The following LAMC2 variants were observed in gnomAD, a reference collection of about 807,000 sequenced individuals.
LAMC2 encodes laminin subunit gamma 2, also known as laminin subunit gamma-2.
A neutral mutation model predicts 140.2 loss-of-function variants in LAMC2; 97 were observed. That is an observed-to-expected ratio of 0.69 (90% confidence interval 0.59 to 0.82). The LOEUF (loss-of-function observed/expected upper bound fraction) is 0.82, where lower values mean the gene tolerates loss of function less well. LAMC2 is among the 40% of genes least tolerant of loss of function. The pLI, the probability that LAMC2 is intolerant of heterozygous loss-of-function variation, is 0.00. For synonymous variants in LAMC2, 513 were observed against 540.2 expected (o/e 0.95, Z 0.70); for missense variants, 1,402 against 1,476.1 (o/e 0.95, Z 0.82).
Position 183,226,929 on chromosome 1 carries a change from A to G in LAMC2, c.1285+13A>G. 1 of 1,602,356 alleles carries G rather than the reference A, an allele frequency of 6.2e-7. No individual in the cohort carries two copies. The highest frequency in any genetic ancestry group is 2.2e-5 in the East Asian group (1 of 44,820). ...GATCCAGACACAGGTGAGTGAAATG[A>G]CACCTGGACCAGGTGGCTGGGGTGT... is the stretch of plus-strand genomic sequence containing the variant. On this transcript the variant is annotated intron_variant, in intron 9 of 22. Transcript: ENST00000264144.
rs1256026081 is a variant in LAMC2 at position 183,232,193 on chromosome 1, C to T, written c.1864C>T (p.Gln622Ter). Reference sequence around the variant, plus strand: ...CTTTCCTGTGTGGTTTCAGATGGATCAGTTTATGCAGCAGCTTCAGAGAAT... The same window carrying T: ...CTTTCCTGTGTGGTTTCAGATGGATTAGTTTATGCAGCAGCTTCAGAGAAT... ...CYNQVKIQMD[Q>*]FMQQLQRMEA... Residue 622 changes from glutamine (Q) to a stop codon, truncating the protein, a stop_gained, in exon 13 of 23, where the codon CAG (glutamine) becomes TAG (stop). Coordinates refer to ENST00000264144, the MANE Select transcript of LAMC2 (RefSeq NM_005562.3). LOFTEE classifies it high-confidence loss of function. The T allele has an allele frequency of 6.2e-7, 1 of 1,613,630 alleles. No homozygotes were observed. Among genetic ancestry groups the T allele is most frequent in the East Asian group, 2.2e-5 (1 of 44,882 alleles).
At chr1:183,220,333 C>T (rs1207460127) in intron 4 of LAMC2, among the ~76,000 whole-genome samples, 2 of 152,100 alleles carry the variant, frequency 1.3e-5, no homozygotes, top group Non-Finnish European at 2.9e-5. Flanking sequence ...AGCCCAGGTA[C>T]AAGAGTCAGA....
intron 20 of LAMC2, 51 bp downstream of exon 20, chr1:183,239,614 G>C: frequency 6.7e-7 from 1 of 1,486,520 alleles, no homozygotes; most frequent in East Asian, 2.3e-5. Context: ...AAACACAAGG[G>C]TGGTGTGGAG....
rs780621237 is a variant in LAMC2, at chr1:183,236,572, C to G, written c.2569C>G (p.Arg857Gly). The change falls in exon 17 of 23, where the codon CGG (arginine) becomes GGG (glycine). Residue 857 changes from arginine (R) to glycine (G), a missense_variant. Around this residue, in one of 3 missense-constraint regions of LAMC2, gnomAD observed 670 missense variants for 667.2 expected, o/e 1.00. Transcript: ENST00000264144. ...HSLRLLDSVSRLQGVSDQSFQ... is the reference protein window; with the variant it reads ...HSLRLLDSVSGLQGVSDQSFQ... The stretch of plus-strand genomic sequence containing the variant: ...TCTCCGCCTCCTGGATTCAGTGTCT[C>G]GGCTTCAGGGAGTCAGTGATCAGTC... The G allele has an allele frequency of 1.2e-6, 2 of 1,614,092 alleles. No individual in the cohort carries two copies. The highest frequency in any genetic ancestry group is 8.5e-7 in the Non-Finnish European group (1 of 1,180,014).
At position 183,228,585 on chromosome 1, in the gene LAMC2, C is replaced by A; in HGVS notation, c.1680C>A (p.Asp560Glu). The stretch of plus-strand genomic sequence containing the variant: ...AGTGCAAAGCAGGCTACTTCGGGGA[C>A]CCATTGGCTCCCAACCCAGCAGACA... Reference protein sequence around the residue: ...CDQCKAGYFGDPLAPNPADKC... With the variant: ...CDQCKAGYFGEPLAPNPADKC... Residue 560 changes from aspartate (D) to glutamate (E), a missense_variant, in exon 11 of 23, where the codon GAC becomes GAA. By Grantham distance (45) the Asp-to-Glu change is conservative (BLOSUM62 2). Transcript: ENST00000264144. The surrounding 1 kb of genome is among the most constrained non-coding windows in gnomAD (Gnocchi z 4.3). The A allele has an allele frequency of 6.2e-7, 1 of 1,614,090 alleles. No homozygotes were observed. Among genetic ancestry groups the A allele is most frequent in the Middle Eastern group, 1.7e-4 (1 of 6,058 alleles).
intron 22 of LAMC2, among the ~76,000 whole-genome samples, chr1:183,242,839 CTT>C (rs10712142): frequency 0.052 from 7,450 of 144,486 alleles, 210 homozygotes; most frequent in South Asian, 0.11. Context: ...CTTCAGTCCT[CTT>C]TTTTTTTTTT....
intron 2 of LAMC2, among the ~76,000 whole-genome samples, chr1:183,208,356 CAA>C (rs1459253411): frequency 3.9e-5 from 6 of 152,280 alleles, no homozygotes; most frequent in South Asian, 4.1e-4. Flanking sequence ...AATTCTAATA[CAA>C]AGAGTCACAT....
At chr1:183,234,073 G>A (rs1317622852) in intron 14 of LAMC2, among the ~76,000 whole-genome samples, 1 of 151,948 alleles carries the variant, frequency 6.6e-6, no homozygotes, top group East Asian at 1.9e-4. Flanking sequence ...TTTTAGAAGG[G>A]ACGGGGTTTC....
intron 13 of LAMC2, 30 bp downstream of exon 13, chr1:183,232,373 A>G: frequency 6.2e-7 from 1 of 1,612,614 alleles, no homozygotes; most frequent in East Asian, 2.2e-5. Flanking sequence ...CTTCAGACAG[A>G]AGAGAATTCA....
chr1:183,245,832 A>G (rs1660229753), downstream of LAMC2, among the ~76,000 whole-genome samples: 1 of 152,218 alleles, frequency 6.6e-6, no homozygotes, highest in Non-Finnish European at 1.5e-5. Flanking sequence ...TAACCACGGT[A>G]TGTGTAATCA....
At chr1:183,255,916 C>T in the LAMC2 span, among the ~76,000 whole-genome samples, 62 of 151,836 alleles carry the variant, frequency 4.1e-4, no homozygotes, top group African/African-American at 6.5e-4. Context: ...CACCTGCCTC[C>T]GCCTCCCAAA....
At chr1:183,220,646 G>A (rs746662302) in intron 4 of LAMC2, among the ~76,000 whole-genome samples, 179 bp from the exon 5 acceptor site, 2 of 151,972 alleles carry the variant, frequency 1.3e-5, no homozygotes, top group Middle Eastern at 3.2e-3. Context: ...TAGGGGGGTC[G>A]TGATTGTCCA....
rs759407898 is a variant in LAMC2 at position 183,230,989 on chromosome 1, G to C, written c.1743G>C (p.Glu581Asp). ...RACNCNPMGS[E>D]PVGCRSDGTC... is the part of the protein sequence containing the mutation. ...GCAACTGTAACCCCATGGGCTCAGA[G>C]CCTGTAGGATGTCGAAGTGATGGCA... Residue 581 changes from glutamate (E) to aspartate (D), a missense_variant, in exon 12 of 23, where the codon GAG (glutamate) becomes GAC (aspartate). Physicochemically the swap from Glu to Asp is conservative, Grantham distance 45 (BLOSUM62 2). This residue lies in a region of LAMC2 where 723 missense variants were observed against 783.3 expected (regional missense o/e 0.92). Transcript: ENST00000264144. 37 of 1,614,030 alleles carry C rather than the reference G, an allele frequency of 2.3e-5. No individual in the cohort carries two copies. In the Admixed American group the frequency reaches 6.2e-4, roughly 27 times the overall value.
At chr1:183,220,588 C>T (rs972643463) in intron 4 of LAMC2, among the ~76,000 whole-genome samples, 7 of 152,198 alleles carry the variant, frequency 4.6e-5, no homozygotes, top group African/African-American at 1.7e-4. Context: ...AAATGTGGCT[C>T]TGTTCTACAA....
chr1:183,197,058 C>G (rs1658542263), intron 1 of LAMC2, among the ~76,000 whole-genome samples: 1 of 152,114 alleles, frequency 6.6e-6, no homozygotes, highest in South Asian at 2.1e-4. Flanking sequence ...AGCAGAGAAG[C>G]CATGATACAA....
At chr1:183,221,678 G>A (rs902004663) in intron 5 of LAMC2, among the ~76,000 whole-genome samples, 3 of 151,318 alleles carry the variant, frequency 2.0e-5, no homozygotes, top group East Asian at 1.9e-4. Context: ...GCAGTGAGCC[G>A]AGATCGCGCC....
Position 183,232,286 on chromosome 1 carries a change from A to T in LAMC2, c.1957A>T (p.Met653Leu), listed in dbSNP as rs1237253420. The T allele has an allele frequency of 6.2e-7, 1 of 1,614,108 alleles. No individual in the cohort carries two copies. Among genetic ancestry groups the T allele is most frequent in the Non-Finnish European group, 8.5e-7 (1 of 1,180,036 alleles). Residue 653 changes from methionine to leucine, a missense_variant, in exon 13 of 23, where the codon ATG becomes TTG. Physicochemically the swap from Met to Leu is conservative, Grantham distance 15. This residue lies in a region of LAMC2 where 670 missense variants were observed against 667.2 expected (regional missense o/e 1.00). Coordinates refer to ENST00000264144, the MANE Select transcript of LAMC2 (RefSeq NM_005562.3). ...VVPDTELEGRMQQAEQALQDI... is the reference protein window; with the variant it reads ...VVPDTELEGRLQQAEQALQDI... The stretch of plus-strand genomic sequence containing the variant: ...ACCTGATACAGAGCTGGAAGGCAGG[A>T]TGCAGCAGGCTGAGCAGGCCCTTCA...
At position 183,243,459 on chromosome 1, in the gene LAMC2, G is replaced by C; in HGVS notation, c.*59G>C. On this transcript the variant is annotated 3_prime_UTR_variant, in exon 23 of 23. Coordinates refer to ENST00000264144, the MANE Select transcript of LAMC2 (RefSeq NM_005562.3). ...GGGATACAGATCTCAGGGCTCGGGAGCCATGTCATGTGAGTGGGTGGGATG... is the reference window on the plus strand; with the variant it reads ...GGGATACAGATCTCAGGGCTCGGGACCCATGTCATGTGAGTGGGTGGGATG... The C allele has an allele frequency of 6.2e-7, 1 of 1,608,872 alleles. No homozygotes were observed. Among genetic ancestry groups the C allele is most frequent in the Non-Finnish European group, 8.5e-7 (1 of 1,175,484 alleles).
intron 1 of LAMC2, among the ~76,000 whole-genome samples, chr1:183,186,736 A>T (rs1658167350): frequency 6.6e-6 from 1 of 152,186 alleles, no homozygotes; most frequent in South Asian, 2.1e-4. Flanking sequence ...TTAATCAATA[A>T]TGTGTTGTTA....
Sources: gnomAD v4.1 joint callset for allele counts (sites outside exome capture counted in the v4.1 genomes callset) on GRCh38, gnomAD v4.1.1 for gene constraint, gnomAD v4.1.1 regional missense constraint, Gnocchi (gnomAD v3.1) non-coding constraint, MANE v1.5 for transcripts, NCBI Gene and HGNC (gene_info 2026-07-23, HGNC 2026-07-21) for gene names.